Variants in UHRF2 observed in about 807,000 individuals in gnomAD.
UHRF2 encodes the protein E3 ubiquitin-protein ligase UHRF2.
Under a neutral mutation model 96.8 loss-of-function variants are expected in UHRF2, and 23 were observed. The ratio of observed to expected loss-of-function variants is 0.24; its 90% CI spans 0.17 to 0.34. UHRF2 has a LOEUF of 0.34. UHRF2 is among the 10% of genes least tolerant of loss of function. The pLI is 1.00. For synonymous variants in UHRF2, 385 were observed against 332.6 expected (o/e 1.16, Z -1.72); for missense variants, 685 against 981.5 (o/e 0.70, Z 4.04).
At chr9:6,449,172 A>G (rs116777321) in intron 3 of UHRF2, among the ~76,000 whole-genome samples, 1,654 of 152,340 alleles carry the variant, frequency 0.011, 26 homozygotes, top group African/African-American at 0.038. Flanking sequence ...ACCAGCTGCA[A>G]GTAGTGCAGT....
At chr9:6,418,979 G>A (rs1211933103) in intron 1 of UHRF2, among the ~76,000 whole-genome samples, 1 of 152,100 alleles carries the variant, frequency 6.6e-6, no homozygotes, top group Non-Finnish European at 1.5e-5. Context: ...TCACATGGCT[G>A]CCTTTTTCCT....
At chr9:6,477,889 C>G in intron 6 of UHRF2, 81 bp downstream of exon 6, 3 of 1,266,908 alleles carry the variant, frequency 2.4e-6, no homozygotes, top group South Asian at 3.1e-5. Flanking sequence ...AAGTAGATTT[C>G]TAAAGATACA....
chr9:6,472,915 C>G (rs925818443), intron 4 of UHRF2, among the ~76,000 whole-genome samples: 1 of 151,864 alleles, frequency 6.6e-6, no homozygotes, highest in Non-Finnish European at 1.5e-5. Flanking sequence ...ATCCTTTAGC[C>G]CTGAATTTGA....
chr9:6,504,359 T>A, intron 14 of UHRF2: 1 of 313,430 alleles, frequency 3.2e-6, no homozygotes, highest in South Asian at 4.4e-5. Context: ...ACTGAAACAT[T>A]TTTATTGCTA....
At chr9:6,416,264 A>G (rs1320414537) in intron 1 of UHRF2, among the ~76,000 whole-genome samples, 1 of 151,774 alleles carries the variant, frequency 6.6e-6, no homozygotes, top group East Asian at 1.9e-4. Flanking sequence ...AGGTTTCACC[A>G]TTTTGGACAC....
At chr9:6,438,982 TAGA>T (rs1181174657) in intron 3 of UHRF2, among the ~76,000 whole-genome samples, 2 of 152,204 alleles carry the variant, frequency 1.3e-5, no homozygotes, top group African/African-American at 4.8e-5. Context: ...TAAGATATAG[TAGA>T]AGATGTAATT....
chr9:6,439,396 A>G (rs1821029102), intron 3 of UHRF2, among the ~76,000 whole-genome samples: 1 of 151,612 alleles, frequency 6.6e-6, no homozygotes, highest in Non-Finnish European at 1.5e-5. Context: ...TTGGTCTTGA[A>G]CTCCTGACCT....
chr9:6,413,653 G>C lies in UHRF2; in HGVS notation c.153+10G>C. ...CTACCGGGGCAAGCAGGTGAGGCGC[G>C]CCCGCCGCGCCCCTAGCGAGGCTGG... On this transcript the variant is annotated intron_variant, in intron 1 of 15. Coordinates refer to ENST00000276893, the MANE Select transcript of UHRF2 (RefSeq NM_152896.3). 6.5e-7 allele frequency: 1 copy of C among 1,547,940 alleles called. No individual in the cohort carries two copies.
intron 10 of UHRF2, 101 bp downstream of exon 10, chr9:6,494,033 G>A: frequency 1.0e-6 from 1 of 993,254 alleles, no homozygotes. Context: ...TTCAAACTGG[G>A]AGTTAAAGAT....
At chr9:6,501,305 C>G (rs1245021979) in intron 14 of UHRF2, among the ~76,000 whole-genome samples, 19 of 152,160 alleles carry the variant, frequency 1.2e-4, no homozygotes, top group South Asian at 2.1e-4. Context: ...TGAACTATCT[C>G]TTCATTCTTT....
Position 6,493,905 on chromosome 9 carries a change from C to G in UHRF2, c.1577C>G (p.Ala526Gly), listed in dbSNP as rs1451165051. ...AACAAAAGAATTGGTGCACCTTCAGCTGATCAAACATTAACAAACATGAAC... is the reference window on the plus strand; with the variant it reads ...AACAAAAGAATTGGTGCACCTTCAGGTGATCAAACATTAACAAACATGAAC... Reference protein sequence around the residue: ...AGNKRIGAPSADQTLTNMNRA... With the variant: ...AGNKRIGAPSGDQTLTNMNRA... The change falls in exon 10 of 16, where the codon GCT becomes GGT. Residue 526 changes from alanine to glycine, a missense_variant. By Grantham distance (60) the Ala-to-Gly change is moderately conservative. This residue lies in a region of UHRF2 where 73 missense variants were observed against 283.7 expected (regional missense o/e 0.26). Coordinates refer to ENST00000276893, the MANE Select transcript of UHRF2 (RefSeq NM_152896.3). 2 of 1,613,800 alleles carry G rather than the reference C, an allele frequency of 1.2e-6. No homozygotes were observed. Among genetic ancestry groups the G allele is most frequent in the Non-Finnish European group, 1.7e-6 (2 of 1,179,914 alleles).
chr9:6,427,165 G>A (rs771840252), intron 2 of UHRF2, among the ~76,000 whole-genome samples: 1 of 152,080 alleles, frequency 6.6e-6, no homozygotes. Context: ...ATTGGGCGTT[G>A]TATTGCTTTT....
At chr9:6,419,802 A>G (rs1319491323) in intron 1 of UHRF2, among the ~76,000 whole-genome samples, 1 of 152,116 alleles carries the variant, frequency 6.6e-6, no homozygotes, top group Non-Finnish European at 1.5e-5. Flanking sequence ...GTGCAATAGC[A>G]TGATCATGGC....
At chr9:6,459,060 C>T (rs1822359760) in intron 3 of UHRF2, among the ~76,000 whole-genome samples, 1 of 152,022 alleles carries the variant, frequency 6.6e-6, no homozygotes. Context: ...CACAGAGGGG[C>T]CTGTCGGAGG....
At position 6,500,698 on chromosome 9, in the gene UHRF2, G is replaced by T. The variant is rs374028713; in HGVS notation, c.2152G>T (p.Val718Leu). The change falls in exon 14 of 16, where the codon GTG becomes TTG. Residue 718 changes from valine (V) to leucine (L), a missense_variant. Val to Leu is a conservative substitution (Grantham distance 32). This residue lies in a region of UHRF2 where 71 missense variants were observed against 114.1 expected (regional missense o/e 0.62). Transcript: ENST00000276893. Reference sequence around the variant, plus strand: ...GTGGGATGAAGTGCTTTCACATCTTGTGGAAGGACCAGTATGTGAAGATTT... The same window carrying T: ...GTGGGATGAAGTGCTTTCACATCTTTTGGAAGGACCAGTATGTGAAGATTT... ...KLWDEVLSHL[V>L]EGPNFLKKLE... 6.2e-7 allele frequency: 1 copy of T among 1,611,254 alleles called. No homozygotes were observed.
intron 12 of UHRF2, chr9:6,498,390 A>G (rs2130963431): frequency 2.7e-6 from 1 of 367,416 alleles, no homozygotes; most frequent in South Asian, 8.9e-5. Flanking sequence ...CTGTTAATTA[A>G]AAGTAAAATA....
chr9:6,468,350 G>A (rs1336135321), intron 4 of UHRF2: 3 of 434,568 alleles, frequency 6.9e-6, no homozygotes, highest in East Asian at 7.1e-5. Flanking sequence ...CCTGTTTGCA[G>A]GTAGGGTGGG....
intron 1 of UHRF2, among the ~76,000 whole-genome samples, chr9:6,420,658 G>A (rs1246238931): frequency 6.6e-6 from 1 of 150,680 alleles, no homozygotes; most frequent in South Asian, 2.1e-4. Flanking sequence ...AGTGAGCCAA[G>A]ATCGTGCCAC....
At chr9:6,451,466 G>GTTTTTTTTTTTTTTTTTTTTTTTT (rs34757017) in intron 3 of UHRF2, among the ~76,000 whole-genome samples, 1 of 141,818 alleles carries the variant, frequency 7.1e-6, no homozygotes. Context: ...GTTTTTTTTT[G>GTTTTTTTTTTTTTTTTTTTTTTTT]TTTTTTTTTT....
Sources: gnomAD v4.1 joint callset for allele counts (sites outside exome capture counted in the v4.1 genomes callset) on GRCh38, gnomAD v4.1.1 for gene constraint, gnomAD v4.1.1 regional missense constraint, MANE v1.5 for transcripts, NCBI Gene and HGNC (gene_info 2026-07-23, HGNC 2026-07-21) for gene names.